The following PRKCA variants were observed in gnomAD, a reference collection of about 807,000 sequenced individuals.
PRKCA encodes protein kinase C alpha type.
PRKCA carries 27 observed loss-of-function variants against 87.0 expected under a neutral mutation model. The observed-to-expected ratio is 0.31, with a 90% CI of 0.23 to 0.43. PRKCA has a LOEUF of 0.43. Among genes scored for constraint, PRKCA ranks in the 20% least tolerant of loss-of-function variants. PRKCA has a pLI of 1.00. For missense variants in PRKCA, 518 were observed against 852.3 expected (o/e 0.61, Z 4.88); for synonymous variants, 329 against 311.1 (o/e 1.06, Z -0.61).
chr17:66,682,706 TTTG>T (rs3053459), intron 5 of PRKCA, among the ~76,000 whole-genome samples: 2,353 of 151,862 alleles, frequency 0.015, 54 homozygotes, highest in African/African-American at 0.053. Context: ...GTAGTGTGAT[TTTG>T]TTGTTGTTGT....
At chr17:66,348,940 T>G (rs1303390404) in intron 2 of PRKCA, among the ~76,000 whole-genome samples, 1 of 152,214 alleles carries the variant, frequency 6.6e-6, no homozygotes, top group Admixed American at 6.5e-5. Context: ...TAGTATAGCA[T>G]TTAACTGAGA....
At chr17:66,734,422 C>T (rs1174237326) in intron 9 of PRKCA, among the ~76,000 whole-genome samples, 1 of 152,172 alleles carries the variant, frequency 6.6e-6, no homozygotes, top group Non-Finnish European at 1.5e-5. Context: ...ATCTTTTAGA[C>T]TATATAAGGT....
At chr17:66,777,428 CCCCCA>C in intron 14 of PRKCA, 1 of 204,262 alleles carries the variant, frequency 4.9e-6, no homozygotes, top group Non-Finnish European at 6.7e-6. Flanking sequence ...AGTTCCCCTC[CCCCCA>C]CCCCAAATCA....
chr17:66,802,234 A>C (rs1188143107), intron 16 of PRKCA, among the ~76,000 whole-genome samples: 1 of 152,138 alleles, frequency 6.6e-6, no homozygotes, highest in African/African-American at 2.4e-5. Context: ...AAGAAAAAAA[A>C]ATTAATAAGC....
At chr17:66,716,742 A>G (rs1386262041) in intron 8 of PRKCA, among the ~76,000 whole-genome samples, 1 of 152,236 alleles carries the variant, frequency 6.6e-6, no homozygotes, top group Non-Finnish European at 1.5e-5. Context: ...GTATGAAAAG[A>G]ACCAAGCACT....
intron 3 of PRKCA, among the ~76,000 whole-genome samples, chr17:66,501,525 T>A (rs1464966133): frequency 1.3e-5 from 2 of 152,208 alleles, no homozygotes; most frequent in African/African-American, 4.8e-5. Context: ...ACTGCCTGTG[T>A]TTGCACCCGG....
intron 3 of PRKCA, among the ~76,000 whole-genome samples, chr17:66,573,117 G>T (rs1305483542): frequency 2.0e-5 from 3 of 152,080 alleles, no homozygotes; most frequent in Non-Finnish European, 4.4e-5. Context: ...TTGGTTTGTG[G>T]GTTGCGCCCA....
chr17:66,587,869 ATGTG>A (rs869036727), intron 3 of PRKCA, among the ~76,000 whole-genome samples: 8,637 of 77,690 alleles, frequency 0.11, 1,339 homozygotes, highest in Non-Finnish European at 0.17. Context: ...ATACATATGT[ATGTG>A]TGTGTGTGTG....
chr17:66,466,148 T>C (rs1298223399), intron 2 of PRKCA, among the ~76,000 whole-genome samples: 1 of 152,216 alleles, frequency 6.6e-6, no homozygotes, highest in African/African-American at 2.4e-5. Context: ...TTTTAAGAAG[T>C]CACTGAAATA....
intron 3 of PRKCA, among the ~76,000 whole-genome samples, chr17:66,559,956 T>G (rs952799285): frequency 9.9e-5 from 15 of 152,228 alleles, no homozygotes; most frequent in African/African-American, 3.6e-4. Flanking sequence ...TAATAAGCAC[T>G]GAGCTGTGAT....
At chr17:66,681,492 G>C (rs879610689) in intron 5 of PRKCA, among the ~76,000 whole-genome samples, 1 of 152,092 alleles carries the variant, frequency 6.6e-6, no homozygotes, top group Non-Finnish European at 1.5e-5. Context: ...GATAGCAAAT[G>C]CTTCTTTAAC....
chr17:66,505,078 A>G (rs905337792), intron 3 of PRKCA, among the ~76,000 whole-genome samples: 3 of 152,178 alleles, frequency 2.0e-5, no homozygotes, highest in Non-Finnish European at 4.4e-5. Context: ...GGGGAAACAC[A>G]CCCAACAAAA....
chr17:66,364,017 AAGG>A (rs1908551591), intron 2 of PRKCA: 1 of 152,290 alleles, frequency 6.6e-6, no homozygotes, highest in East Asian at 1.9e-4. Flanking sequence ...GGGCTTTTTA[AAGG>A]AGATTATAGC....
At chr17:66,451,016 T>C (rs1045568895) in intron 2 of PRKCA, among the ~76,000 whole-genome samples, 8 of 152,222 alleles carry the variant, frequency 5.3e-5, no homozygotes, top group Non-Finnish European at 7.3e-5. Context: ...GTTGAGTGAA[T>C]GGAAGAAAAG....
intron 3 of PRKCA, among the ~76,000 whole-genome samples, chr17:66,590,617 G>GGT (rs1405636041): frequency 1.3e-5 from 2 of 152,188 alleles, no homozygotes; most frequent in Admixed American, 1.3e-4. Flanking sequence ...GGGAGGCCAA[G>GGT]GTGTGTGGAT....
chr17:66,576,043 G>A (rs1011950988), intron 3 of PRKCA, among the ~76,000 whole-genome samples: 12 of 152,190 alleles, frequency 7.9e-5, no homozygotes, highest in Admixed American at 5.9e-4. Context: ...GAACCTGGGA[G>A]GTGGAGGTTG....
chr17:66,308,550 G>A (rs540779910), intron 2 of PRKCA, among the ~76,000 whole-genome samples: 1 of 152,224 alleles, frequency 6.6e-6, no homozygotes, highest in Non-Finnish European at 1.5e-5. Flanking sequence ...TTTAACCTCA[G>A]ATCTCTTTAA....
chr17:66,550,164 G>T (rs11869821), intron 3 of PRKCA, among the ~76,000 whole-genome samples: 22,997 of 152,108 alleles, frequency 0.15, 1,781 homozygotes, highest in Middle Eastern at 0.23. Context: ...GTGAAGAGAC[G>T]TAACCATGAT....
intron 2 of PRKCA, among the ~76,000 whole-genome samples, chr17:66,392,974 A>G (rs1300622872): frequency 6.6e-6 from 1 of 152,174 alleles, no homozygotes; most frequent in Non-Finnish European, 1.5e-5. Context: ...CCAGTGAGAG[A>G]AAGGCACTTG....
Sources: gnomAD v4.1 joint callset for allele counts (sites outside exome capture counted in the v4.1 genomes callset) on GRCh38, gnomAD v4.1.1 for gene constraint, MANE v1.5 for transcripts, NCBI Gene and HGNC (gene_info 2026-07-23, HGNC 2026-07-21) for gene names.